Variants in DSPP observed in about 807,000 individuals in gnomAD.
DSPP encodes the protein dentin sialophosphoprotein.
A neutral mutation model predicts 29.1 loss-of-function variants in DSPP; 28 were observed. The ratio of observed to expected loss-of-function variants is 0.96; its 90% CI spans 0.71 to 1.32. The LOEUF (loss-of-function observed/expected upper bound fraction) is 1.32. Among genes scored for constraint, DSPP ranks in the 40% most tolerant of loss-of-function variants. The pLI, the probability that DSPP is intolerant of heterozygous loss-of-function variation, is 0.00. For missense variants in DSPP, 1,281 were observed against 1,629.9 expected, an observed-to-expected ratio of 0.79 and a Z score of 3.69; for synonymous variants, 481 against 503.4, an observed-to-expected ratio of 0.96 and a Z score of 0.60.
chr4:87,615,399 GACAGCAGTGATAGCAGCA>G lies in DSPP; in HGVS notation c.2754_2771del (p.Asn919_Ser924del), dbSNP rs776701951. 7.4e-6 allele frequency: 10 copies of G among 1,348,686 alleles called. No homozygotes were observed. The African/African-American group carries it at 1.9e-4, about 25-fold the overall frequency. The allele number at this position is 1,348,686 out of a possible 1,614,324, so 83.5% of individuals were successfully genotyped here. ...CAGCAGTGATAGCAGCAACAGCAGTGACAGCAGTGATAGCAGCAACAGCAGTGATAGCAGTGAAAGCAG... is the reference window on the plus strand; with the variant it reads ...CAGCAGTGATAGCAGCAACAGCAGTGACAGCAGTGATAGCAGTGAAAGCAG... On this transcript the variant is annotated inframe_deletion, in exon 5 of 5. Coordinates refer to ENST00000651931, the MANE Select transcript of DSPP (RefSeq NM_014208.3).
At chr4:87,610,402 T>C (rs1727711522) in intron 1 of DSPP, among the ~76,000 whole-genome samples, 1 of 152,206 alleles carries the variant, frequency 6.6e-6, no homozygotes, top group Non-Finnish European at 1.5e-5. Flanking sequence ...GGTCTCTGAA[T>C]ACAAACCCCG....
Position 87,616,759 on chromosome 4 carries a change from A to G in DSPP, c.*191A>G. ...TAACTCCTGCAGAGACAGACTCTGAATGCATGACCTTTGGTACATGCCTGT... is the reference window on the plus strand; with the variant it reads ...TAACTCCTGCAGAGACAGACTCTGAGTGCATGACCTTTGGTACATGCCTGT... On this transcript the variant is annotated 3_prime_UTR_variant, in exon 5 of 5. Transcript: ENST00000651931. 1 of 852,448 alleles carries G rather than the reference A, an allele frequency of 1.2e-6. No individual in the cohort carries two copies. Among genetic ancestry groups the G allele is most frequent in the Non-Finnish European group, 1.8e-6 (1 of 555,172 alleles). 52.8% of individuals were successfully genotyped at this position (852,448 alleles called of 1,614,324 possible).
intron 1 of DSPP, among the ~76,000 whole-genome samples, chr4:87,610,127 T>A (rs1727707306): frequency 2.0e-5 from 3 of 152,008 alleles, no homozygotes; most frequent in South Asian, 4.2e-4. Context: ...TTACAGGAAA[T>A]CAGGGCAACA....
At position 87,612,896 on chromosome 4, in the gene DSPP, C is replaced by T. The variant is rs758321752; in HGVS notation, c.710C>T (p.Ala237Val). ...AEVTPGTGED[A>V]GLDNSDGSPS... ...GTAACACCAGGCACTGGAGAAGATG[C>T]TGGCCTGGATAATTCCGATGGGAGT... The change falls in exon 4 of 5, where the codon GCT (alanine) becomes GTT (valine). Residue 237 changes from alanine (A) to valine (V), a missense_variant. Transcript: ENST00000651931. The T allele has an allele frequency of 7.4e-6, 12 of 1,613,982 alleles. No homozygotes were observed. The highest frequency in any genetic ancestry group is 5.0e-5 in the Admixed American group (3 of 59,998).
chr4:87,612,976 G>A lies in DSPP; in HGVS notation c.790G>A (p.Asp264Asn). 1 of 1,614,170 alleles carries A rather than the reference G, an allele frequency of 6.2e-7. No homozygotes were observed. Among genetic ancestry groups the A allele is most frequent in the Non-Finnish European group, 8.5e-7 (1 of 1,180,030 alleles). Residue 264 changes from aspartate to asparagine, a missense_variant, in exon 4 of 5, where the codon GAT (aspartate) becomes AAT (asparagine). Asp to Asn is a conservative substitution (Grantham distance 23, BLOSUM62 1). Coordinates refer to ENST00000651931, the MANE Select transcript of DSPP (RefSeq NM_014208.3). The stretch of plus-strand genomic sequence containing the variant: ...AGACGAGGGTTCTGGTGATGATGAA[G>A]ATGAAGAAGCAGGGAATGGAAAAGA... ...DEDEGSGDDEDEEAGNGKDSS... is the reference protein window; with the variant it reads ...DEDEGSGDDENEEAGNGKDSS...
chr4:87,614,939 T>G lies in DSPP; in HGVS notation c.2277T>G (p.Ser759Arg). The G allele has an allele frequency of 6.5e-7, 1 of 1,537,374 alleles. No homozygotes were observed. Among genetic ancestry groups the G allele is most frequent in the Non-Finnish European group, 8.7e-7 (1 of 1,146,490 alleles). ...ACAGCAGTGACAGTAGCGATAGCAGTGACAGCAGCAACAGCAGTGACAGCA... is the reference window on the plus strand; with the variant it reads ...ACAGCAGTGACAGTAGCGATAGCAGGGACAGCAGCAACAGCAGTGACAGCA... ...SSNSSDSSDSSDSSNSSDSSD... is the reference protein window; with the variant it reads ...SSNSSDSSDSRDSSNSSDSSD... The change falls in exon 5 of 5, where the codon AGT becomes AGG. Residue 759 changes from serine to arginine, a missense_variant. By Grantham distance (110) the Ser-to-Arg change is moderately radical. Around this residue, in one of 4 missense-constraint regions of DSPP, gnomAD observed 444 missense variants for 611.4 expected, o/e 0.73. Coordinates refer to ENST00000651931, the MANE Select transcript of DSPP (RefSeq NM_014208.3).
In DSPP at chr4:87,614,567, T is replaced by G; in HGVS notation, c.1905T>G (p.Asp635Glu). 6.4e-7 allele frequency: 1 copy of G among 1,551,086 alleles called. No homozygotes were observed. Among genetic ancestry groups the G allele is most frequent in the Non-Finnish European group, 8.7e-7 (1 of 1,146,838 alleles). Residue 635 changes from aspartate (D) to glutamate (E), a missense_variant, in exon 5 of 5, where the codon GAT (aspartate) becomes GAG (glutamate). By Grantham distance (45) the Asp-to-Glu change is conservative. Transcript: ENST00000651931. ...DSSKSESDSS[D>E]SDSKSDSSDS... Reference sequence around the variant, plus strand: ...GCAAATCAGAGAGCGACAGCAGTGATAGTGACAGTAAGTCAGACAGCAGTG... The same window carrying G: ...GCAAATCAGAGAGCGACAGCAGTGAGAGTGACAGTAAGTCAGACAGCAGTG...
In DSPP at chr4:87,614,247, A is replaced by C. The variant is rs1242462622; in HGVS notation, c.1585A>C (p.Asn529His). 9 of 1,614,274 alleles carry C rather than the reference A, an allele frequency of 5.6e-6. No individual in the cohort carries two copies. The highest frequency in any genetic ancestry group is 7.6e-6 in the Non-Finnish European group (9 of 1,180,044). The change falls in exon 5 of 5, where the codon AAT becomes CAT. Residue 529 changes from asparagine to histidine, a missense_variant. Physicochemically the swap from Asn to His is moderately conservative, Grantham distance 68. Transcript: ENST00000651931. Reference protein sequence around the residue: ...SDTNNSDSNGNGNNGNDDNDK... With the variant: ...SDTNNSDSNGHGNNGNDDNDK... The stretch of plus-strand genomic sequence containing the variant: ...CACTAATAATAGTGACAGTAATGGC[A>C]ATGGTAACAATGGGAATGATGACAA...
chr4:87,612,699 T>C lies in DSPP; in HGVS notation c.513T>C (p.Gly171=). ...NTQNGDVGDA[G]HNEDVAVVQE... ...AAAATGGGGATGTTGGCGATGCAGG[T>C]CACAATGAGGATGTCGCTGTTGTCC... Residue 171 remains glycine, a synonymous_variant, in exon 4 of 5, where the codon GGT becomes GGC. Coordinates refer to ENST00000651931, the MANE Select transcript of DSPP (RefSeq NM_014208.3). The C allele has an allele frequency of 6.2e-7, 1 of 1,614,102 alleles. No homozygotes were observed. Among genetic ancestry groups the C allele is most frequent in the East Asian group, 2.2e-5 (1 of 44,874 alleles).
rs368694649 is a variant in DSPP at position 87,615,116 on chromosome 4, C to T, written c.2454C>T (p.Ser818=). The change falls in exon 5 of 5, where the codon AGC becomes AGT. Residue 818 remains serine (S), a synonymous_variant. Transcript: ENST00000651931. Reference sequence around the variant, plus strand: ...GTGATAGCAGTGACAGCAGTGATAGCGACAGCAGCAATAGCAGTGACAGCA... The same window carrying T: ...GTGATAGCAGTGACAGCAGTGATAGTGACAGCAGCAATAGCAGTGACAGCA... ...DSSDSSDSSD[S]DSSNSSDSSN... is the part of the protein sequence containing the mutation. 333 of 1,547,112 alleles carry T rather than the reference C, an allele frequency of 2.2e-4. 1 individual carries two copies. In the African/African-American group the frequency reaches 3.1e-3, roughly 14 times the overall value.
Position 87,614,227 on chromosome 4 carries a change from A to G in DSPP, c.1565A>G (p.Asn522Ser). Residue 522 changes from asparagine (N) to serine (S), a missense_variant, in exon 5 of 5, where the codon AAT becomes AGT. By Grantham distance (46) the Asn-to-Ser change is conservative. Around this residue, in one of 4 missense-constraint regions of DSPP, gnomAD observed 631 missense variants for 643.2 expected, o/e 0.98. Coordinates refer to ENST00000651931, the MANE Select transcript of DSPP (RefSeq NM_014208.3). Reference protein sequence around the residue: ...DDDSDSTSDTNNSDSNGNGNN... With the variant: ...DDDSDSTSDTSNSDSNGNGNN... The stretch of plus-strand genomic sequence containing the variant: ...GACAGTGATAGCACATCAGACACTA[A>G]TAATAGTGACAGTAATGGCAATGGT... 6.2e-7 allele frequency: 1 copy of G among 1,614,284 alleles called. No homozygotes were observed. Among genetic ancestry groups the G allele is most frequent in the Non-Finnish European group, 8.5e-7 (1 of 1,180,050 alleles).
chr4:87,612,369 G>A lies in DSPP; in HGVS notation c.183G>A (p.Val61=), dbSNP rs1440775494. ...SGTIKESGVL[V]HEGDRGRQEN... ...CCATCAAAGAAAGTGGTGTCCTGGTGCATGAAGGTGATAGAGGAAGGCAAG... is the reference window on the plus strand; with the variant it reads ...CCATCAAAGAAAGTGGTGTCCTGGTACATGAAGGTGATAGAGGAAGGCAAG... Residue 61 remains valine (V), a synonymous_variant, in exon 4 of 5, where the codon GTG becomes GTA. Coordinates refer to ENST00000651931, the MANE Select transcript of DSPP (RefSeq NM_014208.3). The A allele has an allele frequency of 1.2e-6, 2 of 1,613,978 alleles. No individual in the cohort carries two copies. The highest frequency in any genetic ancestry group is 2.7e-5 in the African/African-American group (2 of 74,922).
At position 87,614,567 on chromosome 4, in the gene DSPP, TAGTGAC is replaced by T. The variant is rs1176464982; in HGVS notation, c.1909_1914del (p.Asp637_Ser638del). On this transcript the variant is annotated inframe_deletion, in exon 5 of 5. Transcript: ENST00000651931. ...GCAAATCAGAGAGCGACAGCAGTGA[TAGTGAC>T]AGTAAGTCAGACAGCAGTGACAGCA... 3.9e-6 allele frequency: 6 copies of T among 1,550,974 alleles called. No individual in the cohort carries two copies. Among genetic ancestry groups the T allele is most frequent in the Middle Eastern group, 1.7e-4 (1 of 6,012 alleles).
chr4:87,613,242 C>T lies in DSPP; in HGVS notation c.1056C>T (p.Ser352=). The T allele has an allele frequency of 6.2e-7, 1 of 1,613,840 alleles. No individual in the cohort carries two copies. The highest frequency in any genetic ancestry group is 1.1e-5 in the South Asian group (1 of 91,066). The part of the protein sequence containing the change: ...EDTQKLNHRE[S]KRVENRITKE... ...CCCAGAAGCTCAACCATAGAGAAAG[C>T]AAACGCGTAGAAAATAGAATCACCA... The change falls in exon 4 of 5, where the codon AGC becomes AGT. Residue 352 remains serine, a synonymous_variant. Transcript: ENST00000651931.
chr4:87,608,872 C>A (rs1393848860), intron 1 of DSPP, among the ~76,000 whole-genome samples: 1 of 152,164 alleles, frequency 6.6e-6, no homozygotes, highest in East Asian at 1.9e-4. Context: ...GGAAATTTGA[C>A]AATTAACTAT....
At position 87,614,622 on chromosome 4, in the gene DSPP, A is replaced by C; in HGVS notation, c.1960A>C (p.Ser654Arg). ...DSNSSDSSDNSDSSDSSNSSN... is the reference protein window; with the variant it reads ...DSNSSDSSDNRDSSDSSNSSN... ...CAACAGCAGTGACAGTAGTGACAACAGTGATAGCAGCGACAGCAGCAATAG... is the reference window on the plus strand; with the variant it reads ...CAACAGCAGTGACAGTAGTGACAACCGTGATAGCAGCGACAGCAGCAATAG... The change falls in exon 5 of 5, where the codon AGT becomes CGT. Residue 654 changes from serine (S) to arginine (R), a missense_variant. By Grantham distance (110) the Ser-to-Arg change is moderately radical. Coordinates refer to ENST00000651931, the MANE Select transcript of DSPP (RefSeq NM_014208.3). 6.5e-7 allele frequency: 1 copy of C among 1,547,246 alleles called. No homozygotes were observed. The highest frequency in any genetic ancestry group is 8.7e-7 in the Non-Finnish European group (1 of 1,143,524).
In DSPP at chr4:87,616,508, AAGTGAC is replaced by A. The variant is rs752946488; in HGVS notation, c.3864_3869del (p.Asp1288_Ser1289del). 94 of 1,551,652 alleles carry A rather than the reference AAGTGAC, an allele frequency of 6.1e-5. No homozygotes were observed. The East Asian group carries it at 6.1e-4, about 10-fold the overall frequency. ...AGTCTGGTAACGGTAACAACAATGG[AAGTGAC>A]AGTGACAGTGACAGTGAAGGCAGTG... On this transcript the variant is annotated inframe_deletion, in exon 5 of 5. Transcript: ENST00000651931.
chr4:87,609,237 A>T (rs1003110538), intron 1 of DSPP, among the ~76,000 whole-genome samples: 1 of 152,122 alleles, frequency 6.6e-6, no homozygotes, highest in Non-Finnish European at 1.5e-5. Flanking sequence ...ACCATCATGG[A>T]ATTGTTCAGG....
intron 2 of DSPP, 71 bp downstream of exon 2, chr4:87,611,030 A>T (rs1302221061): frequency 4.4e-5 from 36 of 820,786 alleles, no homozygotes; most frequent in African/African-American, 3.0e-4. Context: ...TACAAAATGT[A>T]GTGTGTGTGT....
Sources: gnomAD v4.1 joint callset for allele counts (sites outside exome capture counted in the v4.1 genomes callset) on GRCh38, gnomAD v4.1.1 for gene constraint, gnomAD v4.1.1 regional missense constraint, MANE v1.5 for transcripts, NCBI Gene and HGNC (gene_info 2026-07-23, HGNC 2026-07-21) for gene names.